The following ARSK variants were observed in gnomAD, a reference collection of about 807,000 sequenced individuals.
ARSK encodes arylsulfatase K.
In ARSK, 37 loss-of-function variants were observed where a neutral mutation model predicts 53.2. The ratio of observed to expected loss-of-function variants is 0.70; its 90% CI spans 0.54 to 0.92. The LOEUF is 0.92. Among genes scored for constraint, ARSK ranks in the 40% least tolerant of loss-of-function variants. The pLI, the probability that ARSK is intolerant of heterozygous loss-of-function variation, is 0.00. For synonymous variants in ARSK, 208 were observed against 223.2 expected, an observed-to-expected ratio of 0.93 and a Z score of 0.61; for missense variants, 613 against 643.0, an observed-to-expected ratio of 0.95 and a Z score of 0.51.
chr5:95,600,742 A>C, intron 6 of ARSK, 105 bp from the exon 7 acceptor site: 4 of 1,125,564 alleles, frequency 3.6e-6, no homozygotes, highest in Non-Finnish European at 5.3e-6. Context: ...TCCAGTCTCC[A>C]TGGCATTTAA....
At chr5:95,561,921 G>T (rs990842912) in intron 1 of ARSK, among the ~76,000 whole-genome samples, 10 of 152,060 alleles carry the variant, frequency 6.6e-5, no homozygotes, top group African/African-American at 2.2e-4. Flanking sequence ...ATTTTTAAAA[G>T]AACAGAAAAC....
chr5:95,578,313 A>G (rs11958573), intron 3 of ARSK, among the ~76,000 whole-genome samples: 2,323 of 151,116 alleles, frequency 0.015, 54 homozygotes, highest in African/African-American at 0.052. Context: ...CGCCATGCCC[A>G]GTGAAGAATT....
chr5:95,600,880 G>A lies in ARSK; in HGVS notation c.1130G>A (p.Ser377Asn). The part of the protein sequence containing the change: ...IAGIPLPQNL[S>N]GYSLLPLSSE... ...GGAATTCCTCTGCCTCAGAACCTGA[G>A]TGGATACTCTTTGTTGCCGTTATCA... The change falls in exon 7 of 8, where the codon AGT becomes AAT. Residue 377 changes from serine (S) to asparagine (N), a missense_variant. Ser to Asn is a conservative substitution (Grantham distance 46). Transcript: ENST00000380009. 6.2e-7 allele frequency: 1 copy of A among 1,614,070 alleles called. No homozygotes were observed. The highest frequency in any genetic ancestry group is 1.1e-5 in the South Asian group (1 of 91,078).
At position 95,555,371 on chromosome 5, in the gene ARSK, G is replaced by T. The variant is rs1329553314; in HGVS notation, c.93G>T (p.Ala31=). 28 of 1,610,426 alleles carry T rather than the reference G, an allele frequency of 1.7e-5. No individual in the cohort carries two copies. The highest frequency in any genetic ancestry group is 2.1e-5 in the Non-Finnish European group (25 of 1,179,218). The change falls in exon 1 of 8, where the codon GCG becomes GCT. Residue 31 remains alanine (A), a synonymous_variant. Coordinates refer to ENST00000380009, the MANE Select transcript of ARSK (RefSeq NM_198150.3). The surrounding 1 kb of genome is among the most constrained non-coding windows in gnomAD (Gnocchi z 4.0). ...AGCAGAGGCGGAGAGCAGCCAAAGC[G>T]CCCAATGTGGTGCTGGTCGTGAGCG... ...AGEQRRRAAK[A]PNVVLVVSDS...
Position 95,603,380 on chromosome 5 carries a change from A to G in ARSK, c.1465A>G (p.Ile489Val), listed in dbSNP as rs775383108. 2 of 1,613,818 alleles carry G rather than the reference A, an allele frequency of 1.2e-6. No individual in the cohort carries two copies. Among genetic ancestry groups the G allele is most frequent in the African/African-American group, 1.3e-5 (1 of 75,040 alleles). ...CCACCAGTATAATAAAGAGCAGTTT[A>G]TCAAGTGGAAACAAAGTATAGGACA... ...SVHQYNKEQF[I>V]KWKQSIGQNY... The change falls in exon 8 of 8, where the codon ATC (isoleucine) becomes GTC (valine). Residue 489 changes from isoleucine to valine, a missense_variant. Transcript: ENST00000380009.
intron 1 of ARSK, chr5:95,556,107 T>G (rs1748499123): frequency 1.5e-6 from 1 of 658,670 alleles, no homozygotes; most frequent in Non-Finnish European, 2.7e-6. Context: ...AATATTAGTT[T>G]ATTATCACTC....
intron 1 of ARSK, among the ~76,000 whole-genome samples, chr5:95,563,277 T>C (rs187666073): frequency 1.1e-3 from 164 of 152,372 alleles, no homozygotes; most frequent in Middle Eastern, 3.4e-3. Flanking sequence ...AATTTTGCAA[T>C]TGATATGCTT....
intron 5 of ARSK, among the ~76,000 whole-genome samples, chr5:95,587,839 G>A (rs1371274771): frequency 6.6e-6 from 1 of 151,220 alleles, no homozygotes; most frequent in Non-Finnish European, 1.5e-5. Context: ...CTGGGAGGCA[G>A]AGGTTGCAGT....
intron 5 of ARSK, among the ~76,000 whole-genome samples, chr5:95,590,143 G>A (rs928861597): frequency 6.6e-6 from 1 of 152,222 alleles, no homozygotes; most frequent in African/African-American, 2.4e-5. Context: ...TAGAAGAGCA[G>A]GGAATGGTGC....
At chr5:95,569,952 A>G (rs891054440) in intron 3 of ARSK, among the ~76,000 whole-genome samples, 1 of 152,218 alleles carries the variant, frequency 6.6e-6, no homozygotes, top group African/African-American at 2.4e-5. Flanking sequence ...TGCCAAATGT[A>G]GTCAGTTCTA....
At chr5:95,588,659 C>G (rs1749163382) in intron 5 of ARSK, among the ~76,000 whole-genome samples, 1 of 151,792 alleles carries the variant, frequency 6.6e-6, no homozygotes, top group South Asian at 2.1e-4. Flanking sequence ...ATGTTGAATA[C>G]TATTAAGAAA....
Position 95,591,622 on chromosome 5 carries a change from CT to C in ARSK, c.1095del (p.Asp366IlefsTer11). 6.2e-7 allele frequency: 1 copy of C among 1,613,060 alleles called. No individual in the cohort carries two copies. The highest frequency in any genetic ancestry group is 8.5e-7 in the Non-Finnish European group (1 of 1,179,082). ...VSLVDIYPTMLDIAGIPLPQN... is the reference protein window; with the variant it reads ...VSLVDIYPTMXDIAGIPLPQN... Reference sequence around the variant, plus strand: ...TCTTGTGGATATTTACCCTACCATGCTTGGTAAGTAATGTAGTTCTGTAAAT... The same window carrying C: ...TCTTGTGGATATTTACCCTACCATGCTGGTAAGTAATGTAGTTCTGTAAAT... On this transcript the variant is annotated frameshift_variant and splice_region_variant, in exon 6 of 8. Transcript: ENST00000380009. LOFTEE classifies it high-confidence loss of function.
intron 6 of ARSK, among the ~76,000 whole-genome samples, chr5:95,596,426 G>A (rs1749309087): frequency 6.6e-6 from 1 of 151,928 alleles, no homozygotes; most frequent in African/African-American, 2.4e-5. Flanking sequence ...ACAGAGGAGA[G>A]GCTTATAAAG....
intron 3 of ARSK, among the ~76,000 whole-genome samples, chr5:95,570,884 C>T (rs1301189120): frequency 1.3e-5 from 2 of 151,906 alleles, no homozygotes; most frequent in Non-Finnish European, 2.9e-5. Context: ...CGGGTTCCAG[C>T]GATTCTCCTG....
In ARSK at chr5:95,583,176, C is replaced by T; in HGVS notation, c.677C>T (p.Thr226Ile). 1 of 1,585,050 alleles carries T rather than the reference C, an allele frequency of 6.3e-7. No individual in the cohort carries two copies. Among genetic ancestry groups the T allele is most frequent in the Non-Finnish European group, 8.6e-7 (1 of 1,161,746 alleles). Reference protein sequence around the residue: ...GENFGSSTFHTSLYWLEKVSH... With the variant: ...GENFGSSTFHISLYWLEKVSH... ...AATTTTGGATCTTCAACATTTCACA[C>T]ATCTCTTTATTGGCTTGAAAAAGTA... is the stretch of plus-strand genomic sequence containing the variant. Residue 226 changes from threonine (T) to isoleucine (I), a missense_variant, in exon 4 of 8, where the codon ACA (threonine) becomes ATA (isoleucine). Transcript: ENST00000380009.
chr5:95,596,678 A>G (rs1447142490), intron 6 of ARSK, among the ~76,000 whole-genome samples: 1 of 152,146 alleles, frequency 6.6e-6, no homozygotes, highest in Non-Finnish European at 1.5e-5. Context: ...TTAGAAATGT[A>G]TAAAAGATGG....
intron 6 of ARSK, among the ~76,000 whole-genome samples, chr5:95,593,108 A>G (rs1561368870): frequency 6.6e-6 from 1 of 152,028 alleles, no homozygotes; most frequent in African/African-American, 2.4e-5. Context: ...ATATATGCCT[A>G]TATTCTTTAC....
intron 3 of ARSK, among the ~76,000 whole-genome samples, chr5:95,572,594 C>T (rs1159501940): frequency 6.6e-6 from 1 of 152,012 alleles, no homozygotes; most frequent in Non-Finnish European, 1.5e-5. Context: ...TTGGCTAACA[C>T]GGTGAAACCC....
rs1748478628 is a variant in ARSK, at chr5:95,555,491, G to C, written c.126+87G>C. The C allele has an allele frequency of 5.0e-6, 7 of 1,409,050 alleles. No individual in the cohort carries two copies. Among genetic ancestry groups the C allele is most frequent in the Non-Finnish European group, 6.6e-6 (7 of 1,058,252 alleles). 87.3% of individuals were successfully genotyped at this position (1,409,050 alleles called of 1,614,324 possible). On this transcript the variant is annotated intron_variant, in intron 1 of 7. Coordinates refer to ENST00000380009, the MANE Select transcript of ARSK (RefSeq NM_198150.3). This position sits in a 1 kb window ranked among gnomAD's most constrained non-coding sequence, Gnocchi z 4.0. ...CCTGTGCTGCAGGCTTTGGGGAGCA[G>C]AACCTGAGACATTTTCAAACACCTT...
Sources: allele counts gnomAD v4.1 joint callset (sites outside exome capture counted in the v4.1 genomes callset), GRCh38; gene constraint gnomAD v4.1.1; non-coding constraint Gnocchi (gnomAD v3.1); transcripts MANE v1.5; gene names NCBI Gene and HGNC (gene_info 2026-07-23, HGNC 2026-07-21).